The following ST3GAL1 variants were observed in gnomAD, a reference collection of about 807,000 sequenced individuals.
ST3GAL1 encodes CMP-N-acetylneuraminate-beta-galactosamide-alpha-2,3-sialyltransferase 1.
ST3GAL1 carries 16 observed loss-of-function variants against 34.1 expected under a neutral mutation model. The ratio of observed to expected loss-of-function variants is 0.47; its 90% CI spans 0.32 to 0.71. The LOEUF (loss-of-function observed/expected upper bound fraction) is 0.71. ST3GAL1 is among the 30% of genes least tolerant of loss of function. ST3GAL1 has a pLI of 0.04. For missense variants in ST3GAL1, 353 were observed against 447.4 expected, an observed-to-expected ratio of 0.79 and a Z score of 1.90; for synonymous variants, 191 against 184.7, an observed-to-expected ratio of 1.03 and a Z score of -0.28.
rs940880345 is a variant in ST3GAL1 at position 133,458,551 on chromosome 8, T to C, written c.*1213A>G. ...ATATTGAACAGTCTGAGAATGAGAATGTACGTTCCATTCTGACGCACTGCT... is the reference window on the plus strand; with the variant it reads ...ATATTGAACAGTCTGAGAATGAGAACGTACGTTCCATTCTGACGCACTGCT... On this transcript the variant is annotated 3_prime_UTR_variant, in exon 10 of 10. Transcript: ENST00000522652. The C allele has an allele frequency of 6.6e-6, 1 of 152,194 alleles. No individual in the cohort carries two copies. The highest frequency in any genetic ancestry group is 1.5e-5 in the Non-Finnish European group (1 of 68,054). 9.4% of individuals were successfully genotyped at this position (152,194 alleles called of 1,614,324 possible). A position where few individuals can be genotyped will look rare whatever the true frequency, so the allele number is the denominator to read the frequency against.
At chr8:133,548,720 C>A (rs1323468486) in intron 1 of ST3GAL1, among the ~76,000 whole-genome samples, 1 of 152,228 alleles carries the variant, frequency 6.6e-6, no homozygotes, top group Non-Finnish European at 1.5e-5. Context: ...TTCATTCTCT[C>A]ATTTAGCAAG....
intron 2 of ST3GAL1, among the ~76,000 whole-genome samples, chr8:133,539,210 G>A (rs778178614): frequency 6.6e-6 from 1 of 152,144 alleles, no homozygotes; most frequent in Non-Finnish European, 1.5e-5. Context: ...CAAGAAGAAC[G>A]AAGTTCTTTC....
chr8:133,478,297 A>G (rs998269459), intron 3 of ST3GAL1, among the ~76,000 whole-genome samples: 2 of 152,326 alleles, frequency 1.3e-5, no homozygotes, highest in Admixed American at 1.3e-4. Flanking sequence ...TGATCCAGGG[A>G]TGGGCATGTG....
intron 1 of ST3GAL1, chr8:133,567,200 T>A (rs559663863): frequency 6.6e-6 from 1 of 152,194 alleles, no homozygotes; most frequent in African/African-American, 2.4e-5. Flanking sequence ...TGTATTTATA[T>A]ACGCAGCCTG....
Position 133,461,016 on chromosome 8 carries a change from GA to G in ST3GAL1, c.849+858del, listed in dbSNP as rs1815478837. Among the ~76,000 whole-genome samples, 1 of 152,118 alleles carries G rather than the reference GA, an allele frequency of 6.6e-6. No homozygotes were observed. The highest frequency in any genetic ancestry group is 2.4e-5 in the African/African-American group (1 of 41,422). On this transcript the variant is annotated intron_variant, in intron 9 of 9. Coordinates refer to ENST00000522652, the MANE Select transcript of ST3GAL1 (RefSeq NM_173344.3). The surrounding 1 kb of genome is among the most constrained non-coding windows in gnomAD (Gnocchi z 4.7). Reference sequence around the variant, plus strand: ...GGGCCAAATCGGTGGGACGATGGGAGAAAGGGCTCTTGAGCAGAACCTCAAG... The same window carrying G: ...GGGCCAAATCGGTGGGACGATGGGAGAAGGGCTCTTGAGCAGAACCTCAAG...
In ST3GAL1 at chr8:133,497,877, T is replaced by G. The variant is rs7829404; in HGVS notation, c.-374+1258A>C. Among the ~76,000 whole-genome samples, 612 of 151,998 alleles carry G rather than the reference T, an allele frequency of 4.0e-3. 4 individuals are homozygous for G. Among genetic ancestry groups the G allele is most frequent in the African/African-American group, 0.014 (570 of 41,444 alleles). ...AGGTGAGCAGCCACTGTGATGGTAG[T>G]GGGGTATGGGAGCAAACACCCAGAG... On this transcript the variant is annotated intron_variant, in intron 3 of 9. Transcript: ENST00000522652.
chr8:133,555,581 A>G (rs538853312), intron 1 of ST3GAL1, among the ~76,000 whole-genome samples: 4 of 152,282 alleles, frequency 2.6e-5, no homozygotes, highest in Admixed American at 6.5e-5. Context: ...GGGGAGTCTG[A>G]TGAAATCCCA....
intron 2 of ST3GAL1, among the ~76,000 whole-genome samples, chr8:133,536,366 C>G (rs568317164): frequency 6.6e-6 from 1 of 152,300 alleles, no homozygotes. Context: ...TCTGTAAATG[C>G]CCAAATGCTT....
intron 1 of ST3GAL1, among the ~76,000 whole-genome samples, chr8:133,557,921 AAAAG>A (rs1819106891): frequency 6.6e-6 from 1 of 151,888 alleles, no homozygotes. Context: ...AAAAAAAAAA[AAAAG>A]AGGCCAGTGT....
At chr8:133,506,627 A>G (rs917377551) in intron 2 of ST3GAL1, among the ~76,000 whole-genome samples, 2 of 151,992 alleles carry the variant, frequency 1.3e-5, no homozygotes, top group Non-Finnish European at 2.9e-5. Flanking sequence ...TCTACTTAAA[A>G]TACAAAAATT....
chr8:133,471,761 TG>T (rs1304703344), intron 5 of ST3GAL1, among the ~76,000 whole-genome samples: 14 of 152,130 alleles, frequency 9.2e-5, no homozygotes, highest in Non-Finnish European at 1.3e-4. Context: ...CCTGGAAAGC[TG>T]GGCCCAGGAC....
intron 2 of ST3GAL1, among the ~76,000 whole-genome samples, chr8:133,542,621 A>G (rs1251826682): frequency 1.3e-5 from 2 of 152,090 alleles, no homozygotes; most frequent in African/African-American, 4.8e-5. Context: ...CTAAAAGTAC[A>G]AAAATTAGCT....
intron 7 of ST3GAL1, 59 bp from the exon 8 acceptor site, chr8:133,463,518 G>C: frequency 1.3e-6 from 2 of 1,577,860 alleles, no homozygotes; most frequent in Admixed American, 1.7e-5. Flanking sequence ...AGGAACCTGG[G>C]CATGCAGCTC....
intron 1 of ST3GAL1, among the ~76,000 whole-genome samples, chr8:133,568,972 G>A (rs1200818122): frequency 6.6e-6 from 1 of 152,246 alleles, no homozygotes; most frequent in East Asian, 1.9e-4. Context: ...GGGCAGTACA[G>A]CCCTGATTAC....
At chr8:133,561,480 G>A (rs1432138675) in intron 1 of ST3GAL1, among the ~76,000 whole-genome samples, 1 of 152,010 alleles carries the variant, frequency 6.6e-6, no homozygotes, top group Non-Finnish European at 1.5e-5. Context: ...GCTGGTTCTT[G>A]GCCAAGTCAG....
At chr8:133,493,963 C>T (rs1387402268) in intron 3 of ST3GAL1, among the ~76,000 whole-genome samples, 1 of 152,144 alleles carries the variant, frequency 6.6e-6, no homozygotes. Flanking sequence ...ACCAACACCA[C>T]CCTTTATCCA....
At chr8:133,546,225 G>A (rs1461479738) in intron 1 of ST3GAL1, among the ~76,000 whole-genome samples, 21 of 152,358 alleles carry the variant, frequency 1.4e-4, no homozygotes. Context: ...TTGGGCGCCT[G>A]TAATCCCAGC....
intron 2 of ST3GAL1, among the ~76,000 whole-genome samples, chr8:133,500,900 T>G (rs1817129276): frequency 6.6e-6 from 1 of 152,172 alleles, no homozygotes; most frequent in Non-Finnish European, 1.5e-5. Flanking sequence ...AGGTCAAAAA[T>G]GCACTGAATT....
chr8:133,467,237 G>GA lies in ST3GAL1; in HGVS notation c.307-1148dup, dbSNP rs142345189. Among the ~76,000 whole-genome samples the GA allele has an allele frequency of 0.013, 1,985 of 152,280 alleles. 12 individuals are homozygous for GA. The highest frequency in any genetic ancestry group is 0.018 in the Admixed American group (276 of 15,308). ...GCAGGACTCTCAGTGCTAAAACCAGGATGAGTTGGTATCCCTATTGGCCCC... is the reference window on the plus strand; with the variant it reads ...GCAGGACTCTCAGTGCTAAAACCAGGAATGAGTTGGTATCCCTATTGGCCCC... On this transcript the variant is annotated intron_variant, in intron 5 of 9. Transcript: ENST00000522652. The surrounding 1 kb of genome is among the most constrained non-coding windows in gnomAD (Gnocchi z 4.2).
Sources: allele counts gnomAD v4.1 joint callset (sites outside exome capture counted in the v4.1 genomes callset), GRCh38; gene constraint gnomAD v4.1.1; non-coding constraint Gnocchi (gnomAD v3.1); transcripts MANE v1.5; gene names NCBI Gene and HGNC (gene_info 2026-07-23, HGNC 2026-07-21).